Variants in RERGL observed in about 807,000 individuals in gnomAD.
RERGL encodes the protein RERG like.
RERGL carries 22 observed loss-of-function variants against 24.7 expected under a neutral mutation model. That is an observed-to-expected ratio of 0.89 (90% CI 0.64 to 1.27). RERGL has a LOEUF of 1.27. Ranked by LOEUF, RERGL falls within the 50% of genes most tolerant of loss-of-function variation. The pLI is 0.00. For missense variants in RERGL, 259 were observed against 235.3 expected, an observed-to-expected ratio of 1.10 and a Z score of -0.66; for synonymous variants, 76 against 82.6, an observed-to-expected ratio of 0.92 and a Z score of 0.43.
In RERGL at chr12:18,084,769, C is replaced by T. The variant is rs1388297039; in HGVS notation, c.184-104G>A. 7.2e-6 allele frequency: 6 copies of T among 835,612 alleles called. No homozygotes were observed. In the East Asian group the frequency reaches 1.3e-4, roughly 19 times the overall value. 51.8% of individuals were successfully genotyped at this position (835,612 alleles called of 1,614,324 possible). A position where few individuals can be genotyped will look rare whatever the true frequency, so the allele number is the denominator to read the frequency against. ...GACCCACTTCCGCTGGAAGATACATCAATGTGTTAAATATTGATATTTTCT... is the reference window on the plus strand; with the variant it reads ...GACCCACTTCCGCTGGAAGATACATTAATGTGTTAAATATTGATATTTTCT... On this transcript the variant is annotated intron_variant, in intron 3 of 4. Transcript: ENST00000538724.
rs1478177004 is a variant in RERGL at position 18,085,765 on chromosome 12, C to T, written c.110-72G>A. The T allele has an allele frequency of 6.2e-6, 5 of 802,430 alleles. No individual in the cohort carries two copies. The Admixed American group carries it at 9.2e-5, about 15-fold the overall frequency. The allele number at this position is 802,430 out of a possible 1,614,324, so 49.7% of individuals were successfully genotyped here. A position where few individuals can be genotyped will look rare whatever the true frequency, so the allele number is the denominator to read the frequency against. On this transcript the variant is annotated intron_variant, in intron 2 of 4. Coordinates refer to ENST00000538724, the MANE Select transcript of RERGL (RefSeq NM_001286201.2). ...GTGAACTGATAAATTCAACCACTCACATTTTAGTGGAATCGTATTGTGCTC... is the reference window on the plus strand; with the variant it reads ...GTGAACTGATAAATTCAACCACTCATATTTTAGTGGAATCGTATTGTGCTC...
rs376373215 is a variant in RERGL at position 18,081,151 on chromosome 12, A to T, written c.*40T>A. 2.0e-6 allele frequency: 3 copies of T among 1,531,062 alleles called. No homozygotes were observed. In the African/African-American group the frequency reaches 4.2e-5, roughly 21 times the overall value. 94.8% of individuals were successfully genotyped at this position (1,531,062 alleles called of 1,614,324 possible). A position where few individuals can be genotyped will look rare whatever the true frequency, so the allele number is the denominator to read the frequency against. On this transcript the variant is annotated 3_prime_UTR_variant, in exon 5 of 5. Coordinates refer to ENST00000538724, the MANE Select transcript of RERGL (RefSeq NM_001286201.2). ...GTTTAATTATCATGTGAATGTTTGAAACTCTCTGATATAGGAAATCTCCCA... is the reference window on the plus strand; with the variant it reads ...GTTTAATTATCATGTGAATGTTTGATACTCTCTGATATAGGAAATCTCCCA...
chr12:18,089,834 A>G (rs1212928920), intron 1 of RERGL, among the ~76,000 whole-genome samples: 1 of 152,110 alleles, frequency 6.6e-6, no homozygotes, highest in Admixed American at 6.6e-5. Context: ...TCAGTAGAAC[A>G]ATATACAAAT....
rs764851911 is a variant in RERGL at position 18,081,202 on chromosome 12, T to C, written c.604A>G (p.Lys202Glu). The C allele has an allele frequency of 1.9e-6, 3 of 1,603,646 alleles. No individual in the cohort carries two copies. The highest frequency in any genetic ancestry group is 2.6e-6 in the Non-Finnish European group (3 of 1,173,592). The change falls in exon 5 of 5, where the codon AAA becomes GAA. Residue 202 changes from lysine to glutamate, a missense_variant. Physicochemically the swap from Lys to Glu is moderately conservative, Grantham distance 56 (BLOSUM62 1). Transcript: ENST00000538724. Reference protein sequence around the residue: ...LINNVFGKRRKSV With the variant: ...LINNVFGKRRESV ...GGATTACCTGTCTACTAAACAGATT[T>C]CCTTCTCTTTCCAAATACATTATTG... is the stretch of plus-strand genomic sequence containing the variant.
chr12:18,085,236 A>ATT (rs1947208464), intron 3 of RERGL, among the ~76,000 whole-genome samples: 1 of 152,166 alleles, frequency 6.6e-6, no homozygotes. Context: ...CTTAAAATCT[A>ATT]TTTTATTTAT....
intron 3 of RERGL, among the ~76,000 whole-genome samples, chr12:18,085,073 G>C (rs544983817): frequency 6.6e-6 from 1 of 151,966 alleles, no homozygotes; most frequent in Non-Finnish European, 1.5e-5. Context: ...TATTATAAGG[G>C]TTTAGCTAAA....
At chr12:18,089,253 C>A in intron 1 of RERGL, 2 of 1,607,676 alleles carry the variant, frequency 1.2e-6, no homozygotes, top group South Asian at 2.2e-5. Context: ...ACAGATTTCT[C>A]ATTATATTTG....
At chr12:18,089,395 C>A (rs1374035812) in intron 1 of RERGL, 3 of 1,349,160 alleles carry the variant, frequency 2.2e-6, no homozygotes, top group Non-Finnish European at 2.9e-6. Flanking sequence ...CCTACAAATC[C>A]AGGAAATAGA....
At chr12:18,089,138 T>G (rs1290262383) in intron 1 of RERGL, 182 bp from the exon 2 acceptor site, 3 of 1,205,354 alleles carry the variant, frequency 2.5e-6, no homozygotes, top group African/African-American at 1.5e-5. Context: ...AACAAATGAT[T>G]AGAAAGTTAG....
intron 4 of RERGL, among the ~76,000 whole-genome samples, 188 bp downstream of exon 4, chr12:18,084,329 C>T (rs971372178): frequency 1.3e-5 from 2 of 152,014 alleles, no homozygotes; most frequent in Admixed American, 6.5e-5. Context: ...TTTATGTCAG[C>T]GAGGATATAA....
At position 18,084,516 on chromosome 12, in the gene RERGL, C is replaced by A. The variant is rs1358966080; in HGVS notation, c.332+1G>T. 1 of 1,600,768 alleles carries A rather than the reference C, an allele frequency of 6.2e-7. No individual in the cohort carries two copies. The highest frequency in any genetic ancestry group is 1.8e-5 in the Admixed American group (1 of 56,362). The stretch of plus-strand genomic sequence containing the variant: ...GGAGAAAGGAATGAAAAATACCTTA[C>A]CTTTTACAATGACTAGTTTGTGGCT... On this transcript the variant is annotated splice_donor_variant, in intron 4 of 4. Transcript: ENST00000538724. LOFTEE classifies it high-confidence loss of function.
chr12:18,088,711 A>T (rs1947242187), intron 2 of RERGL, among the ~76,000 whole-genome samples, 189 bp downstream of exon 2: 1 of 152,140 alleles, frequency 6.6e-6, no homozygotes, highest in Non-Finnish European at 1.5e-5. Flanking sequence ...AAATTGGGTG[A>T]ATTTTACCAT....
intron 2 of RERGL, 105 bp from the exon 3 acceptor site, chr12:18,085,798 A>T: frequency 5.3e-6 from 3 of 565,152 alleles, no homozygotes; most frequent in Non-Finnish European, 6.3e-6. Flanking sequence ...CTCTTTTTAT[A>T]TTGCTGGTGA....
chr12:18,085,011 T>C (rs1947206601), intron 3 of RERGL, among the ~76,000 whole-genome samples: 1 of 152,128 alleles, frequency 6.6e-6, no homozygotes, highest in Non-Finnish European at 1.5e-5. Flanking sequence ...TGTTAGTAAA[T>C]GGAATATCTA....
At chr12:18,085,962 G>A (rs995242302) in intron 2 of RERGL, among the ~76,000 whole-genome samples, 18 of 147,412 alleles carry the variant, frequency 1.2e-4, no homozygotes, top group East Asian at 4.0e-4. Context: ...GGTTCACGCC[G>A]TTCTCCTGCC....
intron 4 of RERGL, among the ~76,000 whole-genome samples, chr12:18,081,721 T>C (rs1947175255): frequency 6.6e-6 from 1 of 152,166 alleles, no homozygotes; most frequent in Non-Finnish European, 1.5e-5. Context: ...TGAAGTAACA[T>C]GGACCTATTA....
Position 18,090,117 on chromosome 12 carries a change from G to T in RERGL, c.24C>A (p.Val8=). The T allele has an allele frequency of 1.3e-6, 2 of 1,533,242 alleles. No homozygotes were observed. Among genetic ancestry groups the T allele is most frequent in the South Asian group, 2.4e-5 (2 of 83,718 alleles). 95.0% of individuals were successfully genotyped at this position (1,533,242 alleles called of 1,614,324 possible). MNDVKLA[V]LGGEGTGKSA... ...ATTTGCCTGTTCCTTCACCACCCAAGACAGCAAGCTTCACATCATTCATCT... is the reference window on the plus strand; with the variant it reads ...ATTTGCCTGTTCCTTCACCACCCAATACAGCAAGCTTCACATCATTCATCT... The change falls in exon 1 of 5, where the codon GTC becomes GTA. Residue 8 remains valine (V), a synonymous_variant. Transcript: ENST00000538724.
rs1440124264 is a variant in RERGL at position 18,088,887 on chromosome 12, A to G, written c.109+13T>C. On this transcript the variant is annotated intron_variant, in intron 2 of 4. Coordinates refer to ENST00000538724, the MANE Select transcript of RERGL (RefSeq NM_001286201.2). ...AAAGTTTTAAGGTAAAAATGTCTAG[A>G]GTAGTGACTTACCAAAATTAGAAGC... is the stretch of plus-strand genomic sequence containing the variant. 1 of 1,541,772 alleles carries G rather than the reference A, an allele frequency of 6.5e-7. No homozygotes were observed. Among genetic ancestry groups the G allele is most frequent in the African/African-American group, 1.4e-5 (1 of 73,414 alleles).
At chr12:18,087,994 T>C (rs539592798) in intron 2 of RERGL, among the ~76,000 whole-genome samples, 77 of 152,260 alleles carry the variant, frequency 5.1e-4, no homozygotes, top group African/African-American at 1.4e-3. Flanking sequence ...ATTAAAGCTA[T>C]TTTCTGAGAT....
Sources: allele counts gnomAD v4.1 joint callset (sites outside exome capture counted in the v4.1 genomes callset), GRCh38; gene constraint gnomAD v4.1.1; transcripts MANE v1.5; gene names NCBI Gene and HGNC (gene_info 2026-07-23, HGNC 2026-07-21).